DLG1: variants seen among roughly 807,000 people sequenced by gnomAD.
The protein encoded by DLG1 is disks large homolog 1.
A neutral mutation model predicts 123.4 loss-of-function variants in DLG1; 42 were observed. The observed-to-expected ratio is 0.34, with a 90% CI of 0.27 to 0.44. The LOEUF (loss-of-function observed/expected upper bound fraction) is 0.44. Among genes scored for constraint, DLG1 ranks in the 20% least tolerant of loss-of-function variants. The pLI, the probability that DLG1 is intolerant of heterozygous loss-of-function variation, is 1.00. For missense variants in DLG1, 942 were observed against 1,082.6 expected (o/e 0.87, Z 1.82); for synonymous variants, 317 against 356.2 (o/e 0.89, Z 1.24).
chr3:197,219,735 CG>C (rs1735960061), intron 4 of DLG1, among the ~76,000 whole-genome samples: 1 of 152,006 alleles, frequency 6.6e-6, no homozygotes. Flanking sequence ...AGAGACACAG[CG>C]GGGATATGCA....
intron 4 of DLG1, among the ~76,000 whole-genome samples, chr3:197,252,387 GAAT>G (rs1754875900): frequency 1.3e-5 from 2 of 152,078 alleles, no homozygotes; most frequent in East Asian, 3.8e-4. Context: ...ACATATAATA[GAAT>G]ATTATTCAGC....
intron 4 of DLG1, among the ~76,000 whole-genome samples, chr3:197,207,179 G>C (rs1482073020): frequency 6.6e-6 from 1 of 152,168 alleles, no homozygotes; most frequent in African/African-American, 2.4e-5. Flanking sequence ...TTTACGCAAA[G>C]TTTGTCCTTC....
chr3:197,176,751 G>A (rs1807312306), intron 5 of DLG1, among the ~76,000 whole-genome samples: 1 of 152,094 alleles, frequency 6.6e-6, no homozygotes, highest in African/African-American at 2.4e-5. Context: ...TATGAACACA[G>A]CTGTTATAAA....
At chr3:197,212,654 T>A (rs1382949597) in intron 4 of DLG1, among the ~76,000 whole-genome samples, 3 of 152,250 alleles carry the variant, frequency 2.0e-5, no homozygotes, top group African/African-American at 7.2e-5. Context: ...TTCCTTTTTA[T>A]AAGCACACCA....
chr3:197,258,405 T>A (rs578048999), intron 4 of DLG1, among the ~76,000 whole-genome samples: 25 of 122,032 alleles, frequency 2.0e-4, no homozygotes, highest in African/African-American at 8.1e-4. Context: ...AGATTCTTCA[T>A]TGTGAAGAAC....
Position 197,298,596 on chromosome 3 carries a change from C to T in DLG1, c.-92G>A, listed in dbSNP as rs955942483. ...TCCAACTCCGCGGCAGAGACAGCGC[C>T]TGGCGACCCCGGGGGTAGATCCCCA... On this transcript the variant is annotated 5_prime_UTR_variant, in exon 1 of 25. Transcript: ENST00000667157. 1 of 380,744 alleles carries T rather than the reference C, an allele frequency of 2.6e-6. No homozygotes were observed. Among genetic ancestry groups the T allele is most frequent in the Non-Finnish European group, 4.6e-6 (1 of 215,326 alleles). The allele number at this position is 380,744 out of a possible 1,614,324, so 23.6% of individuals were successfully genotyped here. A position where few individuals can be genotyped will look rare whatever the true frequency, so the allele number is the denominator to read the frequency against.
chr3:197,153,550 C>T (rs942694680), intron 5 of DLG1, among the ~76,000 whole-genome samples: 5 of 152,206 alleles, frequency 3.3e-5, no homozygotes, highest in African/African-American at 9.6e-5. Flanking sequence ...AAGGTGCAAA[C>T]AGGCCCTGGA....
intron 15 of DLG1, among the ~76,000 whole-genome samples, 182 bp from the exon 16 acceptor site, chr3:197,085,938 T>C (rs573083576): frequency 1.3e-5 from 2 of 151,278 alleles, no homozygotes; most frequent in Non-Finnish European, 2.9e-5. Flanking sequence ...ATCAACTTGC[T>C]ATGAAAATAC....
At chr3:197,197,858 T>C (rs1380285616) in intron 4 of DLG1, among the ~76,000 whole-genome samples, 3 of 152,224 alleles carry the variant, frequency 2.0e-5, no homozygotes, top group Admixed American at 2.0e-4. Flanking sequence ...TTACAGTCAA[T>C]TGATTTTGGA....
intron 12 of DLG1, 41 bp downstream of exon 12, chr3:197,119,369 A>C (rs766180647): frequency 6.6e-7 from 1 of 1,510,298 alleles, no homozygotes; most frequent in Non-Finnish European, 8.9e-7. Flanking sequence ...TCAATTTAAT[A>C]GTTGATTTTA....
chr3:197,271,012 A>G (rs898847069), intron 4 of DLG1, among the ~76,000 whole-genome samples: 14 of 152,034 alleles, frequency 9.2e-5, no homozygotes, highest in Non-Finnish European at 1.3e-4. Flanking sequence ...AAAGGGGGGG[A>G]AAAGAAGATA....
At chr3:197,174,029 GC>G (rs1468030095) in intron 5 of DLG1, among the ~76,000 whole-genome samples, 1 of 152,128 alleles carries the variant, frequency 6.6e-6, no homozygotes, top group East Asian at 1.9e-4. Context: ...ATTGCAGTGG[GC>G]TGAGATCGCG....
intron 6 of DLG1, among the ~76,000 whole-genome samples, chr3:197,144,538 T>G (rs1163919450): frequency 3.9e-5 from 6 of 152,194 alleles, no homozygotes; most frequent in Non-Finnish European, 8.8e-5. Context: ...GCCCCTAAGC[T>G]TCAGGGTAGT....
intron 12 of DLG1, among the ~76,000 whole-genome samples, chr3:197,116,351 G>GTAT (rs1773288394): frequency 6.6e-6 from 1 of 152,036 alleles, no homozygotes; most frequent in Admixed American, 6.6e-5. Context: ...AAATTTAAAA[G>GTAT]TATTATAAGA....
intron 4 of DLG1, among the ~76,000 whole-genome samples, chr3:197,255,930 T>A (rs1224185931): frequency 1.3e-5 from 2 of 152,082 alleles, no homozygotes; most frequent in Non-Finnish European, 2.9e-5. Context: ...TTTGTGCAGT[T>A]CACACAGAAA....
intron 4 of DLG1, among the ~76,000 whole-genome samples, chr3:197,223,148 ACTTGAATGTC>A (rs896485376): frequency 6.6e-6 from 1 of 152,202 alleles, no homozygotes; most frequent in African/African-American, 2.4e-5. Flanking sequence ...TACATTAAGA[ACTTGAATGTC>A]CTCTGCATTC....
chr3:197,091,374 T>C (rs1474460642), intron 14 of DLG1, among the ~76,000 whole-genome samples: 2 of 150,146 alleles, frequency 1.3e-5, no homozygotes, highest in Non-Finnish European at 3.0e-5. Flanking sequence ...TTTATTCTAA[T>C]TTTTATATTA....
intron 11 of DLG1, 55 bp from the exon 12 acceptor site, chr3:197,119,585 T>C: frequency 1.3e-6 from 2 of 1,510,926 alleles, no homozygotes; most frequent in Non-Finnish European, 1.8e-6. Flanking sequence ...CCAATCAGTA[T>C]TCCATTTATG....
chr3:197,210,172 C>G (rs1475512797), intron 4 of DLG1, among the ~76,000 whole-genome samples: 3 of 144,498 alleles, frequency 2.1e-5, no homozygotes, highest in African/African-American at 7.4e-5. Flanking sequence ...AAAAGGAAAT[C>G]TGTAGCTTTA....
Sources: allele counts gnomAD v4.1 joint callset (sites outside exome capture counted in the v4.1 genomes callset), GRCh38; gene constraint gnomAD v4.1.1; transcripts MANE v1.5; gene names NCBI Gene and HGNC (gene_info 2026-07-23, HGNC 2026-07-21).